The following EBF1 variants were observed in gnomAD, a reference collection of about 807,000 sequenced individuals.
EBF1 encodes the protein EBF transcription factor 1, also known as transcription factor COE1.
A neutral mutation model predicts 68.4 loss-of-function variants in EBF1; 10 were observed. The ratio of observed to expected loss-of-function variants is 0.15; its 90% CI spans 0.09 to 0.25. The LOEUF is 0.25. Among genes scored for constraint, EBF1 ranks in the 10% least tolerant of loss-of-function variants. The pLI, the probability that EBF1 is intolerant of heterozygous loss-of-function variation, is 1.00. For missense variants in EBF1, 509 were observed against 794.4 expected (o/e 0.64, Z 4.32); for synonymous variants, 298 against 299.8 (o/e 0.99, Z 0.06).
At chr5:159,096,530 G>T in intron 2 of EBF1, 124 bp from the exon 3 acceptor site, 2 of 1,039,344 alleles carry the variant, frequency 1.9e-6, no homozygotes, top group Non-Finnish European at 2.9e-6. Context: ...AGGCAGCCAC[G>T]GTAGCAGCAG....
chr5:158,883,197 T>TGG (rs1799230641), intron 6 of EBF1, among the ~76,000 whole-genome samples: 1 of 152,148 alleles, frequency 6.6e-6, no homozygotes, highest in Non-Finnish European at 1.5e-5. Flanking sequence ...TGTATATACA[T>TGG]GTATGCATAG....
At chr5:159,034,030 T>C (rs1409291533) in intron 6 of EBF1, among the ~76,000 whole-genome samples, 1 of 152,212 alleles carries the variant, frequency 6.6e-6, no homozygotes, top group East Asian at 1.9e-4. Context: ...AAACCAGGCT[T>C]GCATCTATAT....
chr5:158,824,193 G>A (rs1052791846), intron 7 of EBF1, among the ~76,000 whole-genome samples: 6 of 152,154 alleles, frequency 3.9e-5, no homozygotes, highest in Admixed American at 2.0e-4. Context: ...GTCTGTAATT[G>A]CAGCTTCAGC....
At chr5:158,733,676 A>G (rs1338564072) in intron 10 of EBF1, among the ~76,000 whole-genome samples, 1 of 152,190 alleles carries the variant, frequency 6.6e-6, no homozygotes, top group Non-Finnish European at 1.5e-5. Flanking sequence ...TTTAAATAGT[A>G]AGGCAAGGGC....
chr5:158,869,838 C>T (rs1040720114), intron 6 of EBF1, among the ~76,000 whole-genome samples: 27 of 152,176 alleles, frequency 1.8e-4, no homozygotes, highest in Middle Eastern at 3.4e-3. Context: ...TAGGGGATAC[C>T]TATTTTGTTT....
intron 4 of EBF1, among the ~76,000 whole-genome samples, chr5:159,089,131 A>G (rs1475140597): frequency 2.0e-5 from 3 of 152,298 alleles, no homozygotes; most frequent in East Asian, 3.9e-4. Flanking sequence ...ATGAGTAGAA[A>G]GAAAATATCT....
intron 8 of EBF1, among the ~76,000 whole-genome samples, chr5:158,806,565 G>A (rs1781630279): frequency 6.6e-6 from 1 of 152,134 alleles, no homozygotes; most frequent in South Asian, 2.1e-4. Flanking sequence ...CCACTCACAA[G>A]TACAGTTATT....
chr5:158,938,510 C>G (rs1351466886), intron 6 of EBF1, among the ~76,000 whole-genome samples: 1 of 152,234 alleles, frequency 6.6e-6, no homozygotes, highest in Non-Finnish European at 1.5e-5. Flanking sequence ...TAACAAAATA[C>G]CATAGACTGT....
chr5:159,021,689 T>G (rs1422616670), intron 6 of EBF1, among the ~76,000 whole-genome samples: 1 of 152,242 alleles, frequency 6.6e-6, no homozygotes, highest in African/African-American at 2.4e-5. Context: ...GGATGTTATT[T>G]ACACCTTCAG....
Position 158,906,909 on chromosome 5 carries a change from C to T in EBF1, c.555-66799G>A, listed in dbSNP as rs375987679. Among the ~76,000 whole-genome samples, 22 of 152,336 alleles carry T rather than the reference C, an allele frequency of 1.4e-4. 1 individual carries two copies. The highest frequency in any genetic ancestry group is 5.1e-4 in the African/African-American group (21 of 41,568). Reference sequence around the variant, plus strand: ...GGAGATAAGATGTACATATATGATGCTGACTAATTTCAAATAGAAGTTGAG... The same window carrying T: ...GGAGATAAGATGTACATATATGATGTTGACTAATTTCAAATAGAAGTTGAG... On this transcript the variant is annotated intron_variant, in intron 6 of 15. Coordinates refer to ENST00000313708, the MANE Select transcript of EBF1 (RefSeq NM_024007.5).
At chr5:158,804,748 CAT>C (rs1218307010) in intron 8 of EBF1, among the ~76,000 whole-genome samples, 1 of 152,110 alleles carries the variant, frequency 6.6e-6, no homozygotes, top group East Asian at 1.9e-4. Flanking sequence ...TTTTCCACCT[CAT>C]GTTTGATCTG....
intron 8 of EBF1, among the ~76,000 whole-genome samples, chr5:158,802,651 G>A (rs1393836021): frequency 2.6e-5 from 4 of 152,118 alleles, no homozygotes; most frequent in African/African-American, 9.7e-5. Flanking sequence ...GAGTATGACT[G>A]TATTTGAAAA....
At chr5:159,041,299 C>A (rs570599967) in intron 6 of EBF1, among the ~76,000 whole-genome samples, 54 of 152,284 alleles carry the variant, frequency 3.5e-4, no homozygotes, top group Non-Finnish European at 6.5e-4. Flanking sequence ...ATATACATAC[C>A]TACCTGAACA....
At chr5:158,711,800 A>G (rs1012227067) in intron 14 of EBF1, among the ~76,000 whole-genome samples, 5 of 151,966 alleles carry the variant, frequency 3.3e-5, no homozygotes, top group African/African-American at 1.2e-4. Flanking sequence ...CAGTTTCCTG[A>G]GTAGCTGGTG....
At chr5:159,057,104 C>CTTTTTTTTTTTTTTTTT (rs1205129627) in intron 6 of EBF1, among the ~76,000 whole-genome samples, 4 of 110,658 alleles carry the variant, frequency 3.6e-5, no homozygotes, top group Non-Finnish European at 5.6e-5. Flanking sequence ...CTTTTCTTTT[C>CTTTTTTTTTTTTTTTTT]TTTTTTTTTT....
intron 10 of EBF1, among the ~76,000 whole-genome samples, chr5:158,759,875 T>C (rs1473559071): frequency 9.2e-5 from 14 of 152,134 alleles, no homozygotes; most frequent in Admixed American, 9.2e-4. Flanking sequence ...TAATAGCTAT[T>C]CAAAATGTTT....
At chr5:158,752,187 A>G (rs1769047905) in intron 10 of EBF1, among the ~76,000 whole-genome samples, 1 of 152,082 alleles carries the variant, frequency 6.6e-6, no homozygotes, top group African/African-American at 2.4e-5. Flanking sequence ...TATTTCCACA[A>G]AGGAGCCATT....
chr5:158,721,253 A>C (rs1761873903), intron 11 of EBF1, among the ~76,000 whole-genome samples: 1 of 152,202 alleles, frequency 6.6e-6, no homozygotes, highest in South Asian at 2.1e-4. Context: ...GAGGTAAACC[A>C]GAAAGCCTTG....
intron 6 of EBF1, among the ~76,000 whole-genome samples, chr5:158,849,568 G>A (rs544110108): frequency 1.5e-4 from 23 of 152,332 alleles, no homozygotes; most frequent in Admixed American, 5.2e-4. Context: ...GCCTGCAGTT[G>A]CTTGTATAAT....
Sources: gnomAD v4.1 joint callset for allele counts (sites outside exome capture counted in the v4.1 genomes callset) on GRCh38, gnomAD v4.1.1 for gene constraint, MANE v1.5 for transcripts, NCBI Gene and HGNC (gene_info 2026-07-23, HGNC 2026-07-21) for gene names.